The following GABRG3 variants were observed in gnomAD, a reference collection of about 807,000 sequenced individuals.
The protein encoded by GABRG3 is gamma-aminobutyric acid receptor subunit gamma-3.
In GABRG3, 25 loss-of-function variants were observed where a neutral mutation model predicts 48.8. The observed-to-expected ratio is 0.51, with a 90% CI of 0.37 to 0.72. The LOEUF (loss-of-function observed/expected upper bound fraction) is 0.72. Ranked by LOEUF, GABRG3 falls within the 30% of genes least tolerant of loss-of-function variation. The probability of loss-of-function intolerance (pLI) is 0.00; values close to 1 mark genes in which losing one functional copy is unlikely to be tolerated. For missense variants in GABRG3, 394 were observed against 577.9 expected (o/e 0.68, Z 3.26); for synonymous variants, 227 against 217.6 (o/e 1.04, Z -0.38).
chr15:27,403,496 A>G (rs905100246), intron 5 of GABRG3, among the ~76,000 whole-genome samples: 37 of 152,218 alleles, frequency 2.4e-4, no homozygotes, highest in Non-Finnish European at 2.1e-4. Context: ...CCCAACAGAA[A>G]ATTATTGAAA....
At chr15:27,200,857 C>T (rs77534764) in intron 3 of GABRG3, among the ~76,000 whole-genome samples, 2,290 of 152,158 alleles carry the variant, frequency 0.015, 22 homozygotes, top group South Asian at 0.046. Context: ...TTTAAGGCCT[C>T]GAGATTTTCT....
chr15:27,045,627 C>T (rs1350589688), intron 3 of GABRG3, among the ~76,000 whole-genome samples: 2 of 152,156 alleles, frequency 1.3e-5, no homozygotes, highest in Non-Finnish European at 2.9e-5. Context: ...TGCTCTGCCT[C>T]ACTTTATCAG....
chr15:27,486,588 G>A (rs74006963), intron 6 of GABRG3, among the ~76,000 whole-genome samples: 2,844 of 152,232 alleles, frequency 0.019, 94 homozygotes, highest in African/African-American at 0.065. Context: ...AGGAGCTCCA[G>A]CACTAGAGTC....
chr15:27,327,069 A>T, intron 4 of GABRG3, 40 bp downstream of exon 4: 1 of 1,524,030 alleles, frequency 6.6e-7, no homozygotes, highest in Non-Finnish European at 9.0e-7. Context: ...CCTGGTTTAA[A>T]ATGGGATCCT....
chr15:27,027,472 T>C (rs973068366), intron 3 of GABRG3, among the ~76,000 whole-genome samples: 5 of 152,222 alleles, frequency 3.3e-5, no homozygotes, highest in Non-Finnish European at 5.9e-5. Flanking sequence ...TGCTGCACAT[T>C]TGCTCCTGAT....
intron 5 of GABRG3, among the ~76,000 whole-genome samples, chr15:27,407,056 T>C (rs1022218602): frequency 1.3e-5 from 2 of 151,494 alleles, no homozygotes; most frequent in Non-Finnish European, 2.9e-5. Flanking sequence ...CCCTCGGGAG[T>C]AGCTGCGATT....
In GABRG3 at chr15:27,468,916, A is replaced by G. The variant is rs150784039; in HGVS notation, c.575-11734A>G. ...CAATGAAAAAGAAATTTGTGCTAGTATTGCTGTTGCACCTCAAACTGCAAA... is the reference window on the plus strand; with the variant it reads ...CAATGAAAAAGAAATTTGTGCTAGTGTTGCTGTTGCACCTCAAACTGCAAA... On this transcript the variant is annotated intron_variant, in intron 5 of 9. Coordinates refer to ENST00000615808, the MANE Select transcript of GABRG3 (RefSeq NM_033223.5). Among the ~76,000 whole-genome samples the G allele has an allele frequency of 1.6e-4, 24 of 152,352 alleles. No individual in the cohort carries two copies. In the East Asian group the frequency reaches 4.6e-3, roughly 29 times the overall value.
intron 3 of GABRG3, among the ~76,000 whole-genome samples, chr15:27,159,279 C>G (rs1185876703): frequency 6.6e-6 from 1 of 152,014 alleles, no homozygotes; most frequent in South Asian, 2.1e-4. Context: ...CTCAGGAGTT[C>G]AAGACCAATC....
intron 5 of GABRG3, among the ~76,000 whole-genome samples, chr15:27,374,523 T>C (rs1261986054): frequency 6.6e-6 from 1 of 152,214 alleles, no homozygotes; most frequent in Non-Finnish European, 1.5e-5. Context: ...ACACATAAAC[T>C]AACATTTTAT....
At chr15:27,205,701 C>T (rs551688394) in intron 3 of GABRG3, among the ~76,000 whole-genome samples, 1 of 151,308 alleles carries the variant, frequency 6.6e-6, no homozygotes, top group Admixed American at 6.6e-5. Context: ...CAGGGCTTTT[C>T]CCGGTTGGTA....
intron 3 of GABRG3, among the ~76,000 whole-genome samples, chr15:27,069,212 G>A (rs1896786846): frequency 1.3e-5 from 2 of 152,196 alleles, no homozygotes; most frequent in Admixed American, 1.3e-4. Context: ...TCTTAACAAT[G>A]AGTAATACTT....
chr15:27,471,195 T>C (rs1199530194), intron 5 of GABRG3, among the ~76,000 whole-genome samples: 1 of 152,062 alleles, frequency 6.6e-6, no homozygotes, highest in Non-Finnish European at 1.5e-5. Context: ...AATGAAATCA[T>C]AGGGTTGTGG....
At chr15:27,449,096 C>T (rs1307317368) in intron 5 of GABRG3, among the ~76,000 whole-genome samples, 3 of 152,156 alleles carry the variant, frequency 2.0e-5, no homozygotes, top group Non-Finnish European at 4.4e-5. Context: ...CCTTTCTTTT[C>T]GTGCTAATCC....
intron 2 of GABRG3, among the ~76,000 whole-genome samples, chr15:27,002,744 C>CA (rs71413297): frequency 0.087 from 2,192 of 25,110 alleles, 52 homozygotes; most frequent in African/African-American, 0.14. Context: ...CCGTGTCTCT[C>CA]AAAAAAAAAA....
At chr15:27,530,613 G>A (rs1002839386) in intron 9 of GABRG3, 1 of 471,096 alleles carries the variant, frequency 2.1e-6, no homozygotes. Context: ...TCTTGCTCCA[G>A]AAGCCATCCT....
intron 3 of GABRG3, among the ~76,000 whole-genome samples, chr15:27,037,008 C>G (rs1896190879): frequency 6.6e-6 from 1 of 152,168 alleles, no homozygotes; most frequent in Admixed American, 6.5e-5. Context: ...GACTCACACA[C>G]TCACAGGGAG....
At chr15:27,283,307 A>G (rs1456648456) in intron 3 of GABRG3, among the ~76,000 whole-genome samples, 3 of 152,154 alleles carry the variant, frequency 2.0e-5, no homozygotes, top group Non-Finnish European at 4.4e-5. Context: ...TCTACTAGAA[A>G]AAGTTGTCTA....
chr15:27,508,811 T>G (rs1890824331), intron 6 of GABRG3, among the ~76,000 whole-genome samples: 1 of 152,110 alleles, frequency 6.6e-6, no homozygotes, highest in African/African-American at 2.4e-5. Context: ...CCTCCCAGGT[T>G]CACGCCATTC....
At chr15:27,393,358 A>AG (rs1436973171) in intron 5 of GABRG3, among the ~76,000 whole-genome samples, 17 of 141,272 alleles carry the variant, frequency 1.2e-4, no homozygotes, top group Admixed American at 5.1e-4. Context: ...AAAAAAAAAA[A>AG]AAAAGAAAAG....
Sources: allele counts gnomAD v4.1 joint callset (sites outside exome capture counted in the v4.1 genomes callset), GRCh38; gene constraint gnomAD v4.1.1; transcripts MANE v1.5; gene names NCBI Gene and HGNC (gene_info 2026-07-23, HGNC 2026-07-21).